The following ROBO1 variants were observed in gnomAD, a reference collection of about 807,000 sequenced individuals.
ROBO1 encodes roundabout homolog 1.
In ROBO1, 149 loss-of-function variants were observed where a neutral mutation model predicts 195.9. The observed-to-expected ratio is 0.76, with a 90% CI of 0.67 to 0.87. The LOEUF is 0.87. Among genes scored for constraint, ROBO1 ranks in the 40% least tolerant of loss-of-function variants. The pLI, the probability that ROBO1 is intolerant of heterozygous loss-of-function variation, is 0.00. For missense variants in ROBO1, 1,933 were observed against 2,068.3 expected (o/e 0.93, Z 1.27); for synonymous variants, 816 against 733.2 (o/e 1.11, Z -1.82).
intron 2 of ROBO1, among the ~76,000 whole-genome samples, chr3:79,518,746 T>C (rs1264618479): frequency 1.3e-5 from 2 of 151,904 alleles, no homozygotes; most frequent in African/African-American, 4.8e-5. Flanking sequence ...AATGGTGCGA[T>C]CTCGGCTCAC....
At chr3:79,202,888 G>A (rs74585868) in intron 2 of ROBO1, among the ~76,000 whole-genome samples, 1,570 of 152,038 alleles carry the variant, frequency 0.01, 16 homozygotes, top group African/African-American at 0.035. Context: ...TAATGGTAGC[G>A]TCAAATGAGT....
At chr3:79,574,324 C>T (rs1943377247) in intron 2 of ROBO1, among the ~76,000 whole-genome samples, 1 of 151,948 alleles carries the variant, frequency 6.6e-6, no homozygotes, top group South Asian at 2.1e-4. Flanking sequence ...ACATTACTAT[C>T]TGTTTGTGTT....
At chr3:78,967,232 A>G (rs1303162898) in intron 3 of ROBO1, among the ~76,000 whole-genome samples, 1 of 152,068 alleles carries the variant, frequency 6.6e-6, no homozygotes. Flanking sequence ...TCCCTCGGCA[A>G]GGGAAATATA....
intron 2 of ROBO1, among the ~76,000 whole-genome samples, chr3:79,300,501 A>C (rs1175320328): frequency 1.3e-5 from 2 of 151,848 alleles, no homozygotes; most frequent in East Asian, 3.9e-4. Flanking sequence ...TGAGCCTCCC[A>C]CCCCCTCCGT....
intron 3 of ROBO1, among the ~76,000 whole-genome samples, chr3:79,064,083 GA>G (rs771708008): frequency 1.9e-4 from 29 of 151,926 alleles, no homozygotes; most frequent in South Asian, 4.1e-4. Context: ...GGAGCTGGAA[GA>G]GAAGATTTTG....
chr3:78,668,660 G>A (rs1707880934), intron 11 of ROBO1, 95 bp from the exon 12 acceptor site: 1 of 1,005,202 alleles, frequency 9.9e-7, no homozygotes, highest in South Asian at 1.7e-5. Context: ...CATGAATATG[G>A]ATAACTGCAT....
At chr3:79,728,383 C>T (rs1040992063) in intron 1 of ROBO1, among the ~76,000 whole-genome samples, 2 of 152,092 alleles carry the variant, frequency 1.3e-5, no homozygotes, top group Non-Finnish European at 2.9e-5. Flanking sequence ...CATGTATGTG[C>T]AATGTCACAG....
At chr3:79,189,166 A>C (rs756746236) in intron 2 of ROBO1, among the ~76,000 whole-genome samples, 4 of 151,842 alleles carry the variant, frequency 2.6e-5, no homozygotes, top group Non-Finnish European at 5.9e-5. Context: ...GATTAGATAT[A>C]TGAAATTGAA....
chr3:78,939,349 T>G (rs1157208402), intron 3 of ROBO1, among the ~76,000 whole-genome samples: 1 of 151,712 alleles, frequency 6.6e-6, no homozygotes. Flanking sequence ...GCGCGGGGGC[T>G]CACGCCTGTA....
At chr3:79,282,619 T>G (rs2031597025) in intron 2 of ROBO1, among the ~76,000 whole-genome samples, 1 of 152,230 alleles carries the variant, frequency 6.6e-6, no homozygotes, top group South Asian at 2.1e-4. Context: ...CCCAGATTTT[T>G]GGCTTGGAGA....
intron 2 of ROBO1, among the ~76,000 whole-genome samples, chr3:79,314,678 C>T (rs2033653491): frequency 2.0e-5 from 3 of 152,174 alleles, no homozygotes; most frequent in East Asian, 1.9e-4. Context: ...CACTGTGCAA[C>T]ATGAGTTGTT....
At chr3:79,426,370 GTTGT>G (rs900001867) in intron 2 of ROBO1, among the ~76,000 whole-genome samples, 11 of 151,660 alleles carry the variant, frequency 7.3e-5, no homozygotes, top group African/African-American at 2.4e-4. Context: ...TGTTGTTGTT[GTTGT>G]TTGTTTGTTT....
At chr3:79,315,462 ACT>A (rs1227580074) in intron 2 of ROBO1, among the ~76,000 whole-genome samples, 2 of 152,134 alleles carry the variant, frequency 1.3e-5, no homozygotes, top group Non-Finnish European at 2.9e-5. Flanking sequence ...AAATATTCAA[ACT>A]CTGGATATCT....
chr3:79,231,354 T>G (rs1358888706), intron 2 of ROBO1, among the ~76,000 whole-genome samples: 2 of 151,960 alleles, frequency 1.3e-5, no homozygotes, highest in Non-Finnish European at 2.9e-5. Flanking sequence ...ATTAAGGAAA[T>G]TAAATAAATT....
intron 2 of ROBO1, among the ~76,000 whole-genome samples, chr3:79,502,288 G>C (rs911846325): frequency 6.6e-6 from 1 of 152,128 alleles, no homozygotes; most frequent in African/African-American, 2.4e-5. Context: ...GGGGCTGCGC[G>C]CGGCGCTTGC....
rs1483743413 is a variant in ROBO1, at chr3:78,668,272, G to C, written c.1661C>G (p.Pro554Arg). ...EFGVPVQPPRPTDPNLIPSAP... is the reference protein window; with the variant it reads ...EFGVPVQPPRRTDPNLIPSAP... ...ACTAGGGATTAAATTTGGGTCAGTA[G>C]GTCTTGGAGGCTGAACTGGAACTCC... Residue 554 changes from proline (P) to arginine (R), a missense_variant, in exon 13 of 31, where the codon CCT becomes CGT. Physicochemically the swap from Pro to Arg is moderately radical, Grantham distance 103. Transcript: ENST00000464233. 5.6e-6 allele frequency: 9 copies of C among 1,613,304 alleles called. No individual in the cohort carries two copies. The African/African-American group carries it at 1.2e-4, about 22-fold the overall frequency.
intron 1 of ROBO1, among the ~76,000 whole-genome samples, chr3:79,666,145 G>T (rs57893574): frequency 0.032 from 4,920 of 151,828 alleles, 225 homozygotes; most frequent in African/African-American, 0.1. Flanking sequence ...TACAACACCT[G>T]GTATAATATT....
At chr3:79,414,066 T>C (rs565450067) in intron 2 of ROBO1, among the ~76,000 whole-genome samples, 2 of 152,250 alleles carry the variant, frequency 1.3e-5, no homozygotes, top group South Asian at 4.1e-4. Context: ...ATACTCCTAA[T>C]AATGTATAAT....
chr3:79,074,304 TG>T (rs1397934225), intron 3 of ROBO1, among the ~76,000 whole-genome samples: 15 of 151,940 alleles, frequency 9.9e-5, no homozygotes, highest in Non-Finnish European at 1.0e-4. Flanking sequence ...GCACTGATAC[TG>T]GTAAAGACAA....
Sources: gnomAD v4.1 joint callset for allele counts (sites outside exome capture counted in the v4.1 genomes callset) on GRCh38, gnomAD v4.1.1 for gene constraint, MANE v1.5 for transcripts, NCBI Gene and HGNC (gene_info 2026-07-23, HGNC 2026-07-21) for gene names.